Variants in DOCK4 observed in about 807,000 individuals in gnomAD.
DOCK4 encodes dedicator of cytokinesis protein 4.
Under a neutral mutation model 268.1 loss-of-function variants are expected in DOCK4, and 97 were observed. That is an observed-to-expected ratio of 0.36 (90% CI 0.31 to 0.43). The LOEUF is 0.43. Ranked by LOEUF, DOCK4 falls within the 20% of genes least tolerant of loss-of-function variation. DOCK4 has a pLI of 1.00. For synonymous variants in DOCK4, 954 were observed against 887.2 expected (o/e 1.08, Z -1.34); for missense variants, 2,145 against 2,455.7 (o/e 0.87, Z 2.67).
chr7:111,923,332 G>C (rs1793317917), intron 12 of DOCK4, among the ~76,000 whole-genome samples: 1 of 152,138 alleles, frequency 6.6e-6, no homozygotes, highest in Non-Finnish European at 1.5e-5. Context: ...GTAACAGTTT[G>C]GCAAGTAAAG....
At chr7:112,135,786 T>C (rs755309553) in intron 1 of DOCK4, among the ~76,000 whole-genome samples, 2 of 144,862 alleles carry the variant, frequency 1.4e-5, no homozygotes, top group East Asian at 2.0e-4. Context: ...AAAAAAAAAA[T>C]TGAACCAGTA....
At chr7:111,844,430 G>A (rs916813899) in intron 25 of DOCK4, among the ~76,000 whole-genome samples, 7 of 152,048 alleles carry the variant, frequency 4.6e-5, no homozygotes, top group Non-Finnish European at 1.0e-4. Context: ...CACTCTTCTC[G>A]TTTCCTCAAG....
intron 16 of DOCK4, among the ~76,000 whole-genome samples, chr7:111,878,379 AG>A (rs1807091204): frequency 6.6e-6 from 1 of 152,242 alleles, no homozygotes; most frequent in Non-Finnish European, 1.5e-5. Context: ...AATATGAAGC[AG>A]ACCAAGATGA....
At chr7:112,073,070 G>C (rs1358118018) in intron 1 of DOCK4, among the ~76,000 whole-genome samples, 1 of 152,060 alleles carries the variant, frequency 6.6e-6, no homozygotes, top group Non-Finnish European at 1.5e-5. Context: ...CAGTGCCCTT[G>C]ATCTCTAGGT....
chr7:111,916,215 A>G (rs1444861794), intron 12 of DOCK4, among the ~76,000 whole-genome samples: 1 of 152,104 alleles, frequency 6.6e-6, no homozygotes, highest in Non-Finnish European at 1.5e-5. Flanking sequence ...TCCTGCGCCA[A>G]CACTTATTCC....
At position 112,018,143 on chromosome 7, in the gene DOCK4, C is replaced by CAAAAAAAAAAAAAAAAAAAA. The variant is rs140883588; in HGVS notation, c.38-14032_38-14013dup. Among the ~76,000 whole-genome samples, 23 of 20,638 alleles carry CAAAAAAAAAAAAAAAAAAAA rather than the reference C, an allele frequency of 1.1e-3. 7 individuals are homozygous for CAAAAAAAAAAAAAAAAAAAA. The highest frequency in any genetic ancestry group is 3.3e-3 in the South Asian group (1 of 302). The allele number at this position is 20,638 out of a possible 152,430, so 13.5% of individuals were successfully genotyped here. A position where few individuals can be genotyped will look rare whatever the true frequency, so the allele number is the denominator to read the frequency against. ...TGGGCAACACAGCAAGACTCCAGCT[C>CAAAAAAAAAAAAAAAAAAAA]AAAAAAAAAAAAAAAAAAAAAAAAA... On this transcript the variant is annotated intron_variant, in intron 1 of 52. Transcript: ENST00000428084.
At chr7:112,129,236 A>C (rs892198588) in intron 1 of DOCK4, among the ~76,000 whole-genome samples, 1 of 152,262 alleles carries the variant, frequency 6.6e-6, no homozygotes, top group African/African-American at 2.4e-5. Flanking sequence ...TGAACTATTT[A>C]TAACAACTTG....
intron 14 of DOCK4, 39 bp downstream of exon 14, chr7:111,901,638 C>T (rs1006829036): frequency 6.7e-5 from 107 of 1,602,342 alleles, no homozygotes; most frequent in Non-Finnish European, 8.0e-5. Flanking sequence ...AGCAATTATA[C>T]AGACTTGTTT....
At chr7:111,984,688 G>A (rs905094582) in intron 6 of DOCK4, among the ~76,000 whole-genome samples, 4 of 152,180 alleles carry the variant, frequency 2.6e-5, no homozygotes, top group African/African-American at 4.8e-5. Context: ...AGCCTTCAGC[G>A]CCCTTCAAAT....
intron 41 of DOCK4, among the ~76,000 whole-genome samples, chr7:111,756,983 G>A (rs934680708): frequency 1.7e-4 from 26 of 152,250 alleles, no homozygotes; most frequent in African/African-American, 5.5e-4. Context: ...AGTTCTCAGA[G>A]GGGGTGACGC....
chr7:111,915,041 C>T (rs73428842), intron 13 of DOCK4, among the ~76,000 whole-genome samples: 3,031 of 152,298 alleles, frequency 0.02, 89 homozygotes, highest in African/African-American at 0.068. Flanking sequence ...CATCAGCAAA[C>T]GTACTATTCT....
chr7:112,039,497 T>C (rs1195807811), intron 1 of DOCK4, among the ~76,000 whole-genome samples: 1 of 152,064 alleles, frequency 6.6e-6, no homozygotes, highest in Non-Finnish European at 1.5e-5. Flanking sequence ...GTTGTTTTTA[T>C]ACATTATACT....
intron 12 of DOCK4, among the ~76,000 whole-genome samples, chr7:111,932,730 G>A (rs183437330): frequency 2.0e-5 from 3 of 151,870 alleles, no homozygotes; most frequent in Admixed American, 2.0e-4. Flanking sequence ...CTTCTTATTG[G>A]GCCAAGTCTT....
intron 1 of DOCK4, among the ~76,000 whole-genome samples, chr7:112,092,645 G>A (rs944694751): frequency 6.6e-6 from 1 of 152,146 alleles, no homozygotes; most frequent in African/African-American, 2.4e-5. Context: ...TTTCTCCAAA[G>A]GCTATTACAG....
At chr7:111,929,303 G>C (rs1342125248) in intron 12 of DOCK4, among the ~76,000 whole-genome samples, 1 of 151,946 alleles carries the variant, frequency 6.6e-6, no homozygotes, top group East Asian at 1.9e-4. Flanking sequence ...GGGAGATTAT[G>C]CAAATGAAAT....
intron 8 of DOCK4, chr7:111,971,888 A>T: frequency 4.8e-6 from 1 of 210,330 alleles, no homozygotes; most frequent in Admixed American, 5.2e-5. Flanking sequence ...GTACTGTCTA[A>T]TGCCAACATT....
In DOCK4 at chr7:112,194,575, A is replaced by T. The variant is rs368185201; in HGVS notation, c.37+11527T>A. 3.3e-5 allele frequency among the ~76,000 whole-genome samples: 5 copies of T among 152,246 alleles called. No individual in the cohort carries two copies. The East Asian group carries it at 7.7e-4, about 23-fold the overall frequency. ...ATGACAAACTAAATTCAGGCTGTCCAGACTCAACTTCTACCAGTCCAACCT... is the reference window on the plus strand; with the variant it reads ...ATGACAAACTAAATTCAGGCTGTCCTGACTCAACTTCTACCAGTCCAACCT... On this transcript the variant is annotated intron_variant, in intron 1 of 52. Transcript: ENST00000428084.
At chr7:111,753,177 T>C (rs1333022436) in intron 42 of DOCK4, among the ~76,000 whole-genome samples, 2 of 152,114 alleles carry the variant, frequency 1.3e-5, no homozygotes, top group East Asian at 3.9e-4. Flanking sequence ...TTTAATCAAA[T>C]GCATTACATT....
chr7:111,765,688 G>A (rs1797720326), intron 38 of DOCK4, among the ~76,000 whole-genome samples: 1 of 152,202 alleles, frequency 6.6e-6, no homozygotes, highest in Non-Finnish European at 1.5e-5. Context: ...CTGGCACATG[G>A]TAATTCAGGA....
Sources: gnomAD v4.1 joint callset for allele counts (sites outside exome capture counted in the v4.1 genomes callset) on GRCh38, gnomAD v4.1.1 for gene constraint, MANE v1.5 for transcripts, NCBI Gene and HGNC (gene_info 2026-07-23, HGNC 2026-07-21) for gene names.